SOX5: variants seen among roughly 807,000 people sequenced by gnomAD.
SOX5 encodes SRY-box transcription factor 5, also known as transcription factor SOX-5.
A neutral mutation model predicts 92.0 loss-of-function variants in SOX5; 9 were observed. That is an observed-to-expected ratio of 0.10 (90% CI 0.06 to 0.17). The LOEUF is 0.17. SOX5 is among the 10% of genes least tolerant of loss of function. The pLI is 1.00. For missense variants in SOX5, 642 were observed against 944.5 expected (o/e 0.68, Z 4.20); for synonymous variants, 344 against 336.3 (o/e 1.02, Z -0.25).
At position 24,025,972 on chromosome 12, in the gene SOX5, G is replaced by A. The variant is rs76325086; in HGVS notation, c.-1-129948C>T. On this transcript the variant is annotated intron_variant, in intron 4 of 4. Transcript: ENST00000446891. ...TTTCTAATCCACACCCCTACAATAGGTTAGATCACTGGATTTAAAAAATAT... is the reference window on the plus strand; with the variant it reads ...TTTCTAATCCACACCCCTACAATAGATTAGATCACTGGATTTAAAAAATAT... Among the ~76,000 whole-genome samples the A allele has an allele frequency of 3.3e-3, 506 of 152,134 alleles. 5 individuals carry two copies. The highest frequency in any genetic ancestry group is 5.5e-3 in the Non-Finnish European group (372 of 67,958).
intron 3 of SOX5, among the ~76,000 whole-genome samples, chr12:23,808,200 C>T (rs1374835545): frequency 6.6e-6 from 1 of 151,972 alleles, no homozygotes; most frequent in Non-Finnish European, 1.5e-5. Flanking sequence ...GATATCTCTA[C>T]AAATATAGCT....
chr12:23,848,177 T>C (rs970557433), intron 2 of SOX5, among the ~76,000 whole-genome samples: 1 of 152,182 alleles, frequency 6.6e-6, no homozygotes, highest in Non-Finnish European at 1.5e-5. Flanking sequence ...TTTCACATTA[T>C]ATGATGACAA....
At position 24,354,403 on chromosome 12, in the gene SOX5, T is replaced by C. The variant is rs528199440; in HGVS notation, c.-174+14160A>G. Among the ~76,000 whole-genome samples, 12 of 152,238 alleles carry C rather than the reference T, an allele frequency of 7.9e-5. No homozygotes were observed. In the South Asian group the frequency reaches 1.9e-3, roughly 24 times the overall value. ...GGGGAGAAGGATAAGGGAGATCATATGGGGCCTTGCAGGCCAAGCCATAGA... is the reference window on the plus strand; with the variant it reads ...GGGGAGAAGGATAAGGGAGATCATACGGGGCCTTGCAGGCCAAGCCATAGA... On this transcript the variant is annotated intron_variant, in intron 2 of 4. Transcript: ENST00000446891.
At chr12:24,289,677 G>C (rs1293118554) in intron 2 of SOX5, among the ~76,000 whole-genome samples, 1 of 121,494 alleles carries the variant, frequency 8.2e-6, no homozygotes, top group East Asian at 2.3e-4. Context: ...GGATGGTCTC[G>C]ATCTCCTGAC....
At chr12:23,665,828 G>A (rs1378705458) in intron 6 of SOX5, among the ~76,000 whole-genome samples, 1 of 152,084 alleles carries the variant, frequency 6.6e-6, no homozygotes, top group East Asian at 1.9e-4. Context: ...TGGCAGTGAC[G>A]AAAATATCAC....
chr12:23,969,709 T>G (rs1227269496), intron 4 of SOX5, among the ~76,000 whole-genome samples: 1 of 152,214 alleles, frequency 6.6e-6, no homozygotes, highest in African/African-American at 2.4e-5. Flanking sequence ...GTTACAGCAT[T>G]AGAGTTGTTA....
chr12:23,832,895 T>C (rs2096352473), intron 3 of SOX5, among the ~76,000 whole-genome samples: 1 of 151,888 alleles, frequency 6.6e-6, no homozygotes. Context: ...CAAATATTGC[T>C]AAATATCTGT....
At chr12:24,397,045 C>T (rs549142750) in intron 1 of SOX5, among the ~76,000 whole-genome samples, 2 of 152,256 alleles carry the variant, frequency 1.3e-5, no homozygotes, top group South Asian at 4.1e-4. Context: ...TACTTTGCCA[C>T]CTTCCTGGAA....
At chr12:24,285,850 C>A (rs1001887738) in intron 2 of SOX5, among the ~76,000 whole-genome samples, 2 of 152,138 alleles carry the variant, frequency 1.3e-5, no homozygotes, top group African/African-American at 4.8e-5. Context: ...TTCTGTGAAA[C>A]AGACATGTGC....
intron 4 of SOX5, among the ~76,000 whole-genome samples, chr12:24,121,486 A>G (rs1404616771): frequency 6.6e-6 from 1 of 152,086 alleles, no homozygotes; most frequent in Non-Finnish European, 1.5e-5. Context: ...GCATGGGTGG[A>G]ACAATGGTGA....
intron 3 of SOX5, among the ~76,000 whole-genome samples, chr12:23,770,404 T>G (rs1317415890): frequency 2.0e-5 from 3 of 152,168 alleles, no homozygotes; most frequent in African/African-American, 7.2e-5. Context: ...CCTCAGCAAT[T>G]TCTTGATTGA....
At chr12:23,599,676 A>T (rs1953111483) in intron 9 of SOX5, among the ~76,000 whole-genome samples, 1 of 152,218 alleles carries the variant, frequency 6.6e-6, no homozygotes, top group African/African-American at 2.4e-5. Context: ...AACACTTACA[A>T]TGTGAAGTTT....
intron 1 of SOX5, 141 bp from the exon 2 acceptor site, chr12:23,896,165 A>T: frequency 1.6e-6 from 1 of 630,142 alleles, no homozygotes; most frequent in East Asian, 2.7e-5. Flanking sequence ...ACCACTGCAA[A>T]GCACACACAA....
chr12:24,212,922 G>A (rs1024376336), intron 4 of SOX5, among the ~76,000 whole-genome samples: 1 of 152,178 alleles, frequency 6.6e-6, no homozygotes, highest in Non-Finnish European at 1.5e-5. Context: ...TGGCAGAGAA[G>A]AGAAGAAACT....
chr12:23,855,083 G>C (rs1191026299), intron 2 of SOX5, among the ~76,000 whole-genome samples: 1 of 151,734 alleles, frequency 6.6e-6, no homozygotes. Flanking sequence ...CCCTTTACCA[G>C]AAAAGCAAAG....
intron 2 of SOX5, among the ~76,000 whole-genome samples, chr12:24,320,880 T>A (rs868334313): frequency 0.016 from 2,295 of 144,752 alleles, 24 homozygotes; most frequent in African/African-American, 0.025. Flanking sequence ...AAAATAATAA[T>A]AATAATAATA....
At chr12:23,586,371 C>T (rs1033633989) in intron 9 of SOX5, among the ~76,000 whole-genome samples, 1 of 151,916 alleles carries the variant, frequency 6.6e-6, no homozygotes, top group African/African-American at 2.4e-5. Flanking sequence ...AATCTATACA[C>T]TAGAAGAGAA....
chr12:24,279,938 T>A (rs147918620), intron 2 of SOX5, among the ~76,000 whole-genome samples: 1 of 152,228 alleles, frequency 6.6e-6, no homozygotes, highest in Non-Finnish European at 1.5e-5. Context: ...GAACATACTA[T>A]ATAACACAGG....
At chr12:23,882,151 A>G (rs1342279211) in intron 2 of SOX5, among the ~76,000 whole-genome samples, 1 of 152,194 alleles carries the variant, frequency 6.6e-6, no homozygotes, top group Non-Finnish European at 1.5e-5. Flanking sequence ...CTGTTATATT[A>G]TAAAAATCCA....
Sources: gnomAD v4.1 joint callset for allele counts (sites outside exome capture counted in the v4.1 genomes callset) on GRCh38, gnomAD v4.1.1 for gene constraint, MANE v1.5 for transcripts, NCBI Gene and HGNC (gene_info 2026-07-23, HGNC 2026-07-21) for gene names.